CCDC170: variants seen among roughly 807,000 people sequenced by gnomAD.
CCDC170 encodes the protein coiled-coil domain containing 170.
Under a neutral mutation model 72.6 loss-of-function variants are expected in CCDC170, and 69 were observed. The ratio of observed to expected loss-of-function variants is 0.95; its 90% confidence interval spans 0.78 to 1.16. CCDC170 has a LOEUF of 1.16. Among genes scored for constraint, CCDC170 ranks in the 50% most tolerant of loss-of-function variants. The probability of loss-of-function intolerance (pLI) is 0.00; values close to 1 mark genes in which losing one functional copy is unlikely to be tolerated. For synonymous variants in CCDC170, 300 were observed against 303.9 expected, an observed-to-expected ratio of 0.99 and a Z score of 0.13; for missense variants, 852 against 832.5, an observed-to-expected ratio of 1.02 and a Z score of -0.29.
chr6:151,578,442 T>C (rs1035476302), intron 6 of CCDC170, among the ~76,000 whole-genome samples: 1 of 152,152 alleles, frequency 6.6e-6, no homozygotes, highest in African/African-American at 2.4e-5. Flanking sequence ...TCCTGTGTGT[T>C]CACATTGCCT....
intron 9 of CCDC170, among the ~76,000 whole-genome samples, chr6:151,611,190 G>A (rs1469312773): frequency 2.0e-5 from 3 of 152,228 alleles, no homozygotes; most frequent in Middle Eastern, 3.4e-3. Context: ...CAGGGGAATC[G>A]CTTGAACCCG....
intron 1 of CCDC170, among the ~76,000 whole-genome samples, chr6:151,513,919 C>CAAAAAAAAAAAAA (rs58387477): frequency 7.8e-5 from 4 of 51,184 alleles, no homozygotes; most frequent in African/African-American, 1.3e-4. Context: ...GACCCTGTCT[C>CAAAAAAAAAAAAA]AAAAAAAAAA....
chr6:151,588,959 A>G (rs1303026270), intron 7 of CCDC170, among the ~76,000 whole-genome samples: 1 of 151,870 alleles, frequency 6.6e-6, no homozygotes, highest in Admixed American at 6.6e-5. Flanking sequence ...AAACAAACAA[A>G]AAACCAAAAA....
chr6:151,558,904 A>G (rs1446944330), intron 5 of CCDC170, among the ~76,000 whole-genome samples: 1 of 151,770 alleles, frequency 6.6e-6, no homozygotes, highest in African/African-American at 2.4e-5. Flanking sequence ...TAGAAATTTT[A>G]TGATTTTTTT....
At chr6:151,514,096 A>G (rs938603472) in intron 1 of CCDC170, among the ~76,000 whole-genome samples, 10 of 151,322 alleles carry the variant, frequency 6.6e-5, no homozygotes, top group Admixed American at 1.3e-4. Context: ...GATAAAAAGA[A>G]ATTTTGACCA....
At chr6:151,616,210 T>G (rs1344892047) in intron 10 of CCDC170, among the ~76,000 whole-genome samples, 2 of 151,888 alleles carry the variant, frequency 1.3e-5, no homozygotes, top group Non-Finnish European at 2.9e-5. Context: ...GTAGCAGAGA[T>G]CAGTTGCAGG....
intron 1 of CCDC170, among the ~76,000 whole-genome samples, chr6:151,519,651 C>G (rs550229178): frequency 6.6e-6 from 1 of 152,290 alleles, no homozygotes; most frequent in East Asian, 1.9e-4. Context: ...TTATGTTCCT[C>G]TGCCATGGCT....
Position 151,536,374 on chromosome 6 carries a change from T to C in CCDC170, c.114T>C (p.Tyr38=), listed in dbSNP as rs201797826. The part of the protein sequence containing the change: ...VPVTREQLNH[Y]RNVAQNARSE... The stretch of plus-strand genomic sequence containing the variant: ...TCACGCGGGAGCAGTTAAACCACTA[T>C]CGGAATGTGGCTCAAAATGCTCGAA... The change falls in exon 2 of 11, where the codon TAT becomes TAC. Residue 38 remains tyrosine, a synonymous_variant. Transcript: ENST00000239374. The C allele has an allele frequency of 1.9e-6, 3 of 1,614,018 alleles. No homozygotes were observed. The highest frequency in any genetic ancestry group is 2.5e-6 in the Non-Finnish European group (3 of 1,180,026).
intron 8 of CCDC170, among the ~76,000 whole-genome samples, chr6:151,594,118 A>T (rs1353517876): frequency 3.9e-5 from 6 of 152,238 alleles, no homozygotes; most frequent in African/African-American, 1.2e-4. Context: ...AAATATAATT[A>T]TTAGTTACAT....
chr6:151,549,604 A>T (rs1782844972), intron 5 of CCDC170, among the ~76,000 whole-genome samples: 1 of 151,384 alleles, frequency 6.6e-6, no homozygotes, highest in Admixed American at 6.6e-5. Context: ...TAAAAAATTT[A>T]TTTGTAGAGA....
At chr6:151,561,835 C>T (rs191879074) in intron 5 of CCDC170, among the ~76,000 whole-genome samples, 2 of 152,164 alleles carry the variant, frequency 1.3e-5, no homozygotes, top group East Asian at 3.9e-4. Flanking sequence ...TTTTCATCTT[C>T]TCTTTCAGGA....
At chr6:151,549,396 A>G (rs767890633) in intron 5 of CCDC170, among the ~76,000 whole-genome samples, 1 of 152,214 alleles carries the variant, frequency 6.6e-6, no homozygotes, top group Non-Finnish European at 1.5e-5. Context: ...GAATTTGTAG[A>G]GAAGATGTCT....
chr6:151,558,232 G>GTTTTTTTTTTTTTT (rs55648936), intron 5 of CCDC170, among the ~76,000 whole-genome samples: 4 of 70,870 alleles, frequency 5.6e-5, no homozygotes, highest in African/African-American at 1.2e-4. Context: ...TGAGATTAGT[G>GTTTTTTTTTTTTTT]TTTTTTTTTT....
In CCDC170 at chr6:151,619,823, A is replaced by AAAC. The variant is rs983243787; in HGVS notation, c.*1688_*1690dup. On this transcript the variant is annotated 3_prime_UTR_variant, in exon 11 of 11. Transcript: ENST00000239374. ...CAACAGAGAGAGACCTTGTCTCAAA[A>AAAC]AACAACAACAACAAAAAGTCAAAGT... is the stretch of plus-strand genomic sequence containing the variant. 2.6e-5 allele frequency: 4 copies of AAAC among 152,348 alleles called. No homozygotes were observed. Among genetic ancestry groups the AAAC allele is most frequent in the African/African-American group, 9.6e-5 (4 of 41,586 alleles). 9.4% of individuals were successfully genotyped at this position (152,348 alleles called of 1,614,324 possible).
At position 151,495,236 on chromosome 6, in the gene CCDC170, T is replaced by C. The variant is rs575888577; in HGVS notation, c.57+1051T>C. Among the ~76,000 whole-genome samples the C allele has an allele frequency of 3.3e-5, 5 of 152,366 alleles. No individual in the cohort carries two copies. In the East Asian group the frequency reaches 9.6e-4, roughly 29 times the overall value. ...AATATTTGTGGAAAATAAGTACCACTGTGTGCAAATAAAACTATTTTTTCT... is the reference window on the plus strand; with the variant it reads ...AATATTTGTGGAAAATAAGTACCACCGTGTGCAAATAAAACTATTTTTTCT... On this transcript the variant is annotated intron_variant, in intron 1 of 10. Transcript: ENST00000239374.
chr6:151,593,478 G>A (rs1006776095), intron 8 of CCDC170, among the ~76,000 whole-genome samples, 198 bp downstream of exon 8: 1 of 151,854 alleles, frequency 6.6e-6, no homozygotes, highest in Non-Finnish European at 1.5e-5. Context: ...GTGTTTCACT[G>A]TGTGTAATGG....
intron 1 of CCDC170, among the ~76,000 whole-genome samples, chr6:151,513,425 C>T (rs1208550243): frequency 6.7e-6 from 1 of 148,858 alleles, no homozygotes; most frequent in Non-Finnish European, 1.5e-5. Flanking sequence ...GCCTGGCCAA[C>T]ATGGTGAAAC....
At chr6:151,596,986 C>T (rs1326487875) in intron 9 of CCDC170, among the ~76,000 whole-genome samples, 1 of 152,156 alleles carries the variant, frequency 6.6e-6, no homozygotes, top group Non-Finnish European at 1.5e-5. Flanking sequence ...GCCACCACGC[C>T]TGGCTAATTT....
chr6:151,533,610 T>C (rs1291811665), intron 1 of CCDC170, among the ~76,000 whole-genome samples: 2 of 150,174 alleles, frequency 1.3e-5, no homozygotes, highest in Non-Finnish European at 2.9e-5. Context: ...GAGGTTGCAG[T>C]GAGCCGAGAT....
Sources: gnomAD v4.1 joint callset for allele counts (sites outside exome capture counted in the v4.1 genomes callset) on GRCh38, gnomAD v4.1.1 for gene constraint, MANE v1.5 for transcripts, NCBI Gene and HGNC (gene_info 2026-07-23, HGNC 2026-07-21) for gene names.